Variants in PIK3C2G observed in about 807,000 individuals in gnomAD.
The protein encoded by PIK3C2G is phosphatidylinositol 3-kinase C2 domain-containing subunit gamma.
Under a neutral mutation model 181.1 loss-of-function variants are expected in PIK3C2G, and 168 were observed. That is an observed-to-expected ratio of 0.93 (90% confidence interval 0.82 to 1.05). PIK3C2G has a LOEUF of 1.05. Among genes scored for constraint, PIK3C2G ranks in the 50% least tolerant of loss-of-function variants. PIK3C2G has a pLI of 0.00. For synonymous variants in PIK3C2G, 573 were observed against 592.2 expected (o/e 0.97, Z 0.47); for missense variants, 1,869 against 1,732.8 (o/e 1.08, Z -1.40).
At chr12:18,606,647 T>C (rs1948039291) in intron 30 of PIK3C2G, among the ~76,000 whole-genome samples, 1 of 152,128 alleles carries the variant, frequency 6.6e-6, no homozygotes, top group South Asian at 2.1e-4. Context: ...TGAAAAGTTA[T>C]ATATTTGAAA....
intron 8 of PIK3C2G, among the ~76,000 whole-genome samples, chr12:18,326,989 C>G (rs975892705): frequency 6.6e-6 from 1 of 151,970 alleles, no homozygotes; most frequent in Non-Finnish European, 1.5e-5. Context: ...GATCTTATTA[C>G]TTATGTATGA....
intron 24 of PIK3C2G, among the ~76,000 whole-genome samples, chr12:18,533,241 C>T (rs375810283): frequency 1.3e-5 from 2 of 152,160 alleles, no homozygotes; most frequent in East Asian, 3.9e-4. Flanking sequence ...AAATGAGTAC[C>T]CTCATTTTAA....
At chr12:18,561,503 G>A (rs1450160634) in intron 26 of PIK3C2G, among the ~76,000 whole-genome samples, 1 of 152,092 alleles carries the variant, frequency 6.6e-6, no homozygotes, top group Non-Finnish European at 1.5e-5. Context: ...GGAAGTAGGG[G>A]CTAGGAAGCA....
At chr12:18,560,092 A>G (rs1188242754) in intron 26 of PIK3C2G, among the ~76,000 whole-genome samples, 1 of 151,526 alleles carries the variant, frequency 6.6e-6, no homozygotes, top group Non-Finnish European at 1.5e-5. Flanking sequence ...CTGCCTCCCA[A>G]AGTGCTGGGA....
the PIK3C2G span, among the ~76,000 whole-genome samples, chr12:18,708,296 AT>A: frequency 6.6e-6 from 1 of 152,064 alleles, no homozygotes; most frequent in African/African-American, 2.4e-5. Flanking sequence ...TGTCTGGCTT[AT>A]TTCACTTAAC....
chr12:18,479,133 A>G (rs1939308036), intron 18 of PIK3C2G, among the ~76,000 whole-genome samples: 1 of 151,822 alleles, frequency 6.6e-6, no homozygotes, highest in East Asian at 1.9e-4. Flanking sequence ...AAGTACATAT[A>G]CATACATACA....
intron 9 of PIK3C2G, among the ~76,000 whole-genome samples, chr12:18,340,999 C>G (rs1939086438): frequency 6.6e-6 from 1 of 152,108 alleles, no homozygotes; most frequent in Non-Finnish European, 1.5e-5. Context: ...GAGGAGGAAA[C>G]CAGATGTGTG....
At chr12:18,307,061 T>C (rs554410554) in intron 5 of PIK3C2G, among the ~76,000 whole-genome samples, 1 of 149,502 alleles carries the variant, frequency 6.7e-6, no homozygotes, top group Non-Finnish European at 1.5e-5. Context: ...TATTCATAGT[T>C]TGAATGTTAT....
Position 18,314,047 on chromosome 12 carries a change from G to A in PIK3C2G, c.1120G>A (p.Gly374Arg), listed in dbSNP as rs376507510. The change falls in exon 6 of 33, where the codon GGA becomes AGA. Residue 374 changes from glycine (G) to arginine (R), a missense_variant. Transcript: ENST00000538779. ...LHLQKSREAP[G>R]KLSRKHEEDH... ...CCTGCAGAAAAGTAGGGAAGCTCCA[G>A]GAAAGCTATCTCGAAAGGTAAGACT... 10 of 1,566,250 alleles carry A rather than the reference G, an allele frequency of 6.4e-6. No individual in the cohort carries two copies. Among genetic ancestry groups the A allele is most frequent in the Non-Finnish European group, 8.7e-6 (10 of 1,148,238 alleles).
At chr12:18,721,513 T>G in the PIK3C2G span, among the ~76,000 whole-genome samples, 145,618 of 151,992 alleles carry the variant, frequency 0.96, 69,850 homozygotes, top group East Asian at 1. Flanking sequence ...TGTCACTGCC[T>G]CCATCCCAAC....
At chr12:18,690,943 C>T in the PIK3C2G span, among the ~76,000 whole-genome samples, 1 of 152,080 alleles carries the variant, frequency 6.6e-6, no homozygotes, top group Non-Finnish European at 1.5e-5. Flanking sequence ...ATAAATATTA[C>T]GTATGCATGA....
In PIK3C2G at chr12:18,351,486, T is replaced by TACTA. The variant is rs532731795; in HGVS notation, c.1625+4651_1625+4654dup. Among the ~76,000 whole-genome samples, 600 of 152,274 alleles carry TACTA rather than the reference T, an allele frequency of 3.9e-3. 1 individual carries two copies. The highest frequency in any genetic ancestry group is 0.014 in the African/African-American group (564 of 41,552). ...ATCCTCTGATTTATCCTCATCATAG[T>TACTA]ACTATTAACTGAGCACATTCTAAGA... On this transcript the variant is annotated intron_variant, in intron 11 of 32. Coordinates refer to ENST00000538779, the MANE Select transcript of PIK3C2G (RefSeq NM_001288772.2).
chr12:18,393,976 T>G (rs1000362918), intron 15 of PIK3C2G, among the ~76,000 whole-genome samples: 2 of 152,116 alleles, frequency 1.3e-5, no homozygotes, highest in African/African-American at 4.8e-5. Context: ...GGAGTCTTCT[T>G]AAATATTTGG....
intron 18 of PIK3C2G, among the ~76,000 whole-genome samples, chr12:18,459,690 A>G (rs189834693): frequency 3.7e-4 from 57 of 152,334 alleles, no homozygotes; most frequent in Admixed American, 3.3e-3. Flanking sequence ...ACTTTAATGA[A>G]ACAGACTCAA....
chr12:18,628,897 G>A (rs1454569315), intron 31 of PIK3C2G, among the ~76,000 whole-genome samples: 2 of 152,094 alleles, frequency 1.3e-5, no homozygotes, highest in African/African-American at 2.4e-5. Flanking sequence ...TTGGAAGCCA[G>A]CTGAGGCAAT....
intron 23 of PIK3C2G, among the ~76,000 whole-genome samples, chr12:18,504,377 C>T (rs757251588): frequency 3.9e-5 from 6 of 152,086 alleles, no homozygotes; most frequent in Admixed American, 6.6e-5. Flanking sequence ...ACGTTATTTC[C>T]AAATACATCG....
At chr12:18,625,074 ATTTG>A (rs1949033472) in intron 31 of PIK3C2G, among the ~76,000 whole-genome samples, 1 of 151,256 alleles carries the variant, frequency 6.6e-6, no homozygotes, top group Admixed American at 6.6e-5. Flanking sequence ...ATTGGGCTTA[ATTTG>A]TTTGCTTTTT....
chr12:18,648,126 A>G lies in PIK3C2G; in HGVS notation c.*98A>G. 1 of 653,426 alleles carries G rather than the reference A, an allele frequency of 1.5e-6. No individual in the cohort carries two copies. Among genetic ancestry groups the G allele is most frequent in the Non-Finnish European group, 2.4e-6 (1 of 410,128 alleles). 40.5% of individuals were successfully genotyped at this position (653,426 alleles called of 1,614,324 possible). ...AAGTAAGGCATCTTTGTTGTCAAAG[A>G]CAGCACAGGGTATTAAGGACACAGA... is the stretch of plus-strand genomic sequence containing the variant. On this transcript the variant is annotated 3_prime_UTR_variant, in exon 33 of 33. Coordinates refer to ENST00000538779, the MANE Select transcript of PIK3C2G (RefSeq NM_001288772.2).
intron 18 of PIK3C2G, among the ~76,000 whole-genome samples, chr12:18,449,568 G>A (rs1947232925): frequency 1.3e-5 from 2 of 152,114 alleles, no homozygotes; most frequent in Admixed American, 1.3e-4. Flanking sequence ...TCCTGTTCCT[G>A]AGTTAGTTTG....
Sources: allele counts gnomAD v4.1 joint callset (sites outside exome capture counted in the v4.1 genomes callset), GRCh38; gene constraint gnomAD v4.1.1; transcripts MANE v1.5; gene names NCBI Gene and HGNC (gene_info 2026-07-23, HGNC 2026-07-21).